The following RUNX1T1 variants were observed in gnomAD, a reference collection of about 807,000 sequenced individuals.
The protein encoded by RUNX1T1 is protein CBFA2T1.
RUNX1T1 carries 4 observed loss-of-function variants against 62.8 expected under a neutral mutation model. The observed-to-expected ratio is 0.06, with a 90% confidence interval of 0.03 to 0.15. The LOEUF (loss-of-function observed/expected upper bound fraction) is 0.15, where lower values mean the gene tolerates loss of function less well. Ranked by LOEUF, RUNX1T1 falls within the 10% of genes least tolerant of loss-of-function variation. The pLI, the probability that RUNX1T1 is intolerant of heterozygous loss-of-function variation, is 1.00. For missense variants in RUNX1T1, 508 were observed against 754.3 expected, an observed-to-expected ratio of 0.67 and a Z score of 3.82; for synonymous variants, 291 against 286.0, an observed-to-expected ratio of 1.02 and a Z score of -0.18.
intron 1 of RUNX1T1, among the ~76,000 whole-genome samples, chr8:92,045,479 T>C (rs1480853288): frequency 6.6e-6 from 1 of 152,226 alleles, no homozygotes; most frequent in Non-Finnish European, 1.5e-5. Context: ...CCTGCTTTCT[T>C]ATTTCCACTG....
At chr8:92,005,230 T>C in exon 5 of RUNX1T1, 1 of 1,613,980 alleles carries the variant, frequency 6.2e-7, no homozygotes, top group Non-Finnish European at 8.5e-7. Flanking sequence ...GGCGAGGTAC[T>C]GGGCAGGGTT....
rs1325726237 is a variant in RUNX1T1, at chr8:92,002,349, CA to C, written c.659+2766del. Among the ~76,000 whole-genome samples, 28 of 151,648 alleles carry C rather than the reference CA, an allele frequency of 1.8e-4. No homozygotes were observed. The East Asian group carries it at 2.5e-3, about 14-fold the overall frequency. ...CCATACAGGAACAAAAAACAAAAAA[CA>C]AAAAACAATTTCATAGACTTCCCTA... On this transcript the variant is annotated intron_variant, in intron 5 of 10. Coordinates refer to ENST00000396218, the Ensembl canonical transcript of RUNX1T1.
chr8:92,040,595 C>T (rs532800991), intron 1 of RUNX1T1, among the ~76,000 whole-genome samples: 16 of 152,306 alleles, frequency 1.1e-4, no homozygotes, highest in African/African-American at 3.1e-4. Context: ...CAGAACCTTC[C>T]CTGAACCAAC....
chr8:92,095,478 TGAGTGTGTGAGC>T, intron 1 of RUNX1T1: 1 of 1,530,362 alleles, frequency 6.5e-7, no homozygotes, highest in Non-Finnish European at 8.7e-7. Flanking sequence ...TGTGTGTGAG[TGAGTGTGTGAGC>T]GCAGGAGGGA....
At chr8:91,982,485 C>A (rs375364248) in intron 8 of RUNX1T1, among the ~76,000 whole-genome samples, 1 of 152,130 alleles carries the variant, frequency 6.6e-6, no homozygotes, top group East Asian at 1.9e-4. Context: ...ACAAGCACTT[C>A]GGAAAACATA....
At chr8:92,005,788 CTT>C (rs1820652466) in intron 4 of RUNX1T1, 1 of 152,590 alleles carries the variant, frequency 6.6e-6, no homozygotes, top group Non-Finnish European at 1.5e-5. Context: ...CAAGTACTAA[CTT>C]AATGAAAATA....
chr8:91,970,652 C>A lies in RUNX1T1; in HGVS notation c.1458+6G>T. Reference sequence around the variant, plus strand: ...TGTTTATTTGGAGCTTCCCAAGATGCCTCACCTCGCTTGAATCCTCCTGCT... The same window carrying A: ...TGTTTATTTGGAGCTTCCCAAGATGACTCACCTCGCTTGAATCCTCCTGCT... On this transcript the variant is annotated splice_donor_region_variant and intron_variant, in intron 10 of 10. Transcript: ENST00000396218. 3 of 1,590,874 alleles carry A rather than the reference C, an allele frequency of 1.9e-6. No homozygotes were observed. The highest frequency in any genetic ancestry group is 2.6e-6 in the Non-Finnish European group (3 of 1,169,474).
Position 92,027,622 on chromosome 8 carries a change from T to C in RUNX1T1, c.8-10259A>G, listed in dbSNP as rs1057178158. ...CACAAGACATTCTCAGTTCAGGTGA[T>C]CAGTAAACATCAAGGTGACCATGCC... On this transcript the variant is annotated intron_variant, in intron 1 of 10. Transcript: ENST00000396218. Among the ~76,000 whole-genome samples the C allele has an allele frequency of 4.6e-5, 7 of 152,082 alleles. No individual in the cohort carries two copies. The East Asian group carries it at 1.4e-3, about 29-fold the overall frequency.
chr8:92,018,579 C>A (rs866407559), intron 1 of RUNX1T1, among the ~76,000 whole-genome samples: 15 of 152,276 alleles, frequency 9.9e-5, no homozygotes, highest in Admixed American at 7.2e-4. Context: ...TAAGAAAGAA[C>A]AAGCCTTTAA....
chr8:92,097,249 G>A (rs1221090455), intron 1 of RUNX1T1, among the ~76,000 whole-genome samples: 1 of 152,184 alleles, frequency 6.6e-6, no homozygotes, highest in African/African-American at 2.4e-5. Flanking sequence ...AATAGTTAGA[G>A]AAGGGTGCAA....
At chr8:92,076,897 A>G (rs543876545) in intron 1 of RUNX1T1, among the ~76,000 whole-genome samples, 8 of 152,182 alleles carry the variant, frequency 5.3e-5, no homozygotes, top group African/African-American at 1.4e-4. Flanking sequence ...TGAATAGAAA[A>G]AGTATTGCTA....
At chr8:92,020,654 C>T (rs987390785) in intron 1 of RUNX1T1, among the ~76,000 whole-genome samples, 17 of 152,144 alleles carry the variant, frequency 1.1e-4, no homozygotes, top group African/African-American at 2.9e-4. Flanking sequence ...CTAAACAAGA[C>T]GATCTTCCCT....
chr8:91,969,449 G>A (rs78736327), intron 10 of RUNX1T1, among the ~76,000 whole-genome samples: 5,058 of 151,984 alleles, frequency 0.033, 113 homozygotes, highest in Middle Eastern at 0.054. Flanking sequence ...GAACAGAGAA[G>A]GACAAATTCT....
intron 8 of RUNX1T1, chr8:91,977,376 T>C (rs1814200851): frequency 5.1e-6 from 1 of 194,210 alleles, no homozygotes; most frequent in Non-Finnish European, 1.1e-5. Context: ...TGCATTCTCC[T>C]GTGTATATTC....
chr8:92,086,936 C>A (rs368543729), intron 1 of RUNX1T1, among the ~76,000 whole-genome samples: 118 of 152,290 alleles, frequency 7.7e-4, no homozygotes, highest in African/African-American at 2.7e-3. Context: ...GTCCATCTGG[C>A]CCCTCACATT....
chr8:92,074,252 T>C (rs948477326), intron 2 of RUNX1T1, among the ~76,000 whole-genome samples: 2 of 152,206 alleles, frequency 1.3e-5, no homozygotes, highest in Admixed American at 1.3e-4. Context: ...ATATGTGTTC[T>C]TGTCATGCAT....
intron 1 of RUNX1T1, chr8:92,095,041 G>C (rs1305302472): frequency 6.5e-7 from 1 of 1,535,452 alleles, no homozygotes; most frequent in East Asian, 2.4e-5. Context: ...GGTGAGTCCT[G>C]TCTGGATAGC....
chr8:91,957,084 G>A (rs1809507632), downstream of RUNX1T1: 1 of 218,456 alleles, frequency 4.6e-6, no homozygotes. Context: ...AGAGCTAGAG[G>A]ACGCCCTATT....
intron 1 of RUNX1T1, among the ~76,000 whole-genome samples, chr8:92,080,431 C>T (rs533109285): frequency 3.9e-5 from 6 of 152,352 alleles, no homozygotes; most frequent in South Asian, 4.1e-4. Flanking sequence ...AAATCACCCA[C>T]GACATCCACG....
Sources: gnomAD v4.1 joint callset for allele counts (sites outside exome capture counted in the v4.1 genomes callset) on GRCh38, gnomAD v4.1.1 for gene constraint, MANE v1.5 for transcripts, NCBI Gene and HGNC (gene_info 2026-07-23, HGNC 2026-07-21) for gene names.